The following CSMD1 variants were observed in gnomAD, a reference collection of about 807,000 sequenced individuals.
The protein encoded by CSMD1 is CUB and sushi domain-containing protein 1.
Under a neutral mutation model 417.5 loss-of-function variants are expected in CSMD1, and 213 were observed. The ratio of observed to expected loss-of-function variants is 0.51; its 90% confidence interval spans 0.46 to 0.57. The LOEUF (loss-of-function observed/expected upper bound fraction) is 0.57. Among genes scored for constraint, CSMD1 ranks in the 20% least tolerant of loss-of-function variants. The pLI is 0.00. For synonymous variants in CSMD1, 2,862 were observed against 1,736.8 expected (o/e 1.65, Z -16.11); for missense variants, 6,923 against 4,529.7 (o/e 1.53, Z -15.17).
At chr8:4,971,111 T>G (rs928350014) in intron 1 of CSMD1, among the ~76,000 whole-genome samples, 10 of 152,036 alleles carry the variant, frequency 6.6e-5, no homozygotes, top group Non-Finnish European at 4.4e-5. Context: ...ATATACCAAA[T>G]TCAGACTTCA....
chr8:3,902,388 T>C (rs766323592), intron 5 of CSMD1, among the ~76,000 whole-genome samples: 29 of 152,306 alleles, frequency 1.9e-4, no homozygotes, highest in Non-Finnish European at 3.4e-4. Flanking sequence ...AGGCAAATTG[T>C]TGGATCTTCC....
chr8:4,327,867 C>T (rs188510759), intron 3 of CSMD1, among the ~76,000 whole-genome samples: 4 of 152,172 alleles, frequency 2.6e-5, no homozygotes, highest in Admixed American at 1.3e-4. Flanking sequence ...TTTTGTAAAA[C>T]AAAAAACTTT....
chr8:3,351,349 G>A (rs1808407560), intron 21 of CSMD1, among the ~76,000 whole-genome samples: 1 of 151,986 alleles, frequency 6.6e-6, no homozygotes, highest in South Asian at 2.1e-4. Flanking sequence ...GGTGACCCAT[G>A]CCTGTAATCC....
chr8:4,339,709 A>G (rs145538851), intron 3 of CSMD1, among the ~76,000 whole-genome samples: 1 of 152,202 alleles, frequency 6.6e-6, no homozygotes, highest in East Asian at 1.9e-4. Context: ...GAGTGAGAAG[A>G]AAATGAAAGA....
intron 3 of CSMD1, among the ~76,000 whole-genome samples, chr8:4,414,130 T>G (rs1200162192): frequency 6.6e-6 from 1 of 152,184 alleles, no homozygotes; most frequent in African/African-American, 2.4e-5. Context: ...GAGAAATAAA[T>G]CAGTGCTGAC....
intron 10 of CSMD1, among the ~76,000 whole-genome samples, chr8:3,507,240 T>C (rs1344052000): frequency 2.0e-5 from 3 of 152,214 alleles, no homozygotes; most frequent in Non-Finnish European, 4.4e-5. Context: ...CAATATTTTT[T>C]TTGTAGAAGT....
At chr8:3,275,992 G>A (rs1465616127) in intron 26 of CSMD1, among the ~76,000 whole-genome samples, 2 of 152,296 alleles carry the variant, frequency 1.3e-5, no homozygotes, top group African/African-American at 2.4e-5. Flanking sequence ...TCCTTTGGAG[G>A]AGGAGAGGCA....
chr8:3,338,920 G>A (rs982420587), intron 23 of CSMD1, among the ~76,000 whole-genome samples: 4 of 150,716 alleles, frequency 2.7e-5, no homozygotes, highest in Non-Finnish European at 5.9e-5. Flanking sequence ...GTGCCATGCT[G>A]GTGCGCTGCA....
At chr8:4,035,970 T>G (rs111230926) in intron 3 of CSMD1, among the ~76,000 whole-genome samples, 1 of 151,998 alleles carries the variant, frequency 6.6e-6, no homozygotes, top group Non-Finnish European at 1.5e-5. Context: ...CCTATGAGAG[T>G]GTAACACTTT....
chr8:3,970,467 T>C (rs1287346030), intron 5 of CSMD1, among the ~76,000 whole-genome samples: 2 of 152,130 alleles, frequency 1.3e-5, no homozygotes, highest in Non-Finnish European at 2.9e-5. Context: ...GTCTCTTCTG[T>C]AAACCAGAAG....
At chr8:4,566,173 G>A (rs923326154) in intron 2 of CSMD1, among the ~76,000 whole-genome samples, 1 of 152,104 alleles carries the variant, frequency 6.6e-6, no homozygotes, top group African/African-American at 2.4e-5. Flanking sequence ...ACTGAATGAT[G>A]AGATTGATCC....
chr8:4,275,668 T>C (rs1796444439), intron 3 of CSMD1, among the ~76,000 whole-genome samples: 1 of 152,186 alleles, frequency 6.6e-6, no homozygotes, highest in African/African-American at 2.4e-5. Flanking sequence ...GCAAAAATTG[T>C]ATACGTTTTG....
chr8:3,343,420 G>A lies in CSMD1; in HGVS notation c.3505C>T (p.Pro1169Ser), dbSNP rs1465520966. ...VYDGKDSSSR[P>S]LGTFTKNELL... The stretch of plus-strand genomic sequence containing the variant: ...TCATTTTTAGTGAACGTGCCCAGTG[G>A]ACGTGAGGAACTGTCTTTTCCATCA... Residue 1169 changes from proline to serine, a missense_variant, in exon 23 of 70, where the codon CCA (proline) becomes TCA (serine). By Grantham distance (74) the Pro-to-Ser change is moderately conservative. Transcript: ENST00000635120. 6.2e-7 allele frequency: 1 copy of A among 1,613,750 alleles called. No individual in the cohort carries two copies.
intron 5 of CSMD1, among the ~76,000 whole-genome samples, chr8:3,974,642 T>C (rs1329169194): frequency 6.6e-6 from 1 of 151,478 alleles, no homozygotes. Flanking sequence ...ATGAAAGAAC[T>C]GTTTAAACTG....
chr8:3,707,178 T>C (rs1801218888), intron 7 of CSMD1, among the ~76,000 whole-genome samples: 2 of 152,316 alleles, frequency 1.3e-5, no homozygotes, highest in South Asian at 2.1e-4. Context: ...CCTAAAGTGA[T>C]AAAGATGTAG....
chr8:4,916,612 T>A (rs1315011084), intron 1 of CSMD1, among the ~76,000 whole-genome samples: 1 of 152,212 alleles, frequency 6.6e-6, no homozygotes, highest in South Asian at 2.1e-4. Context: ...TCATCCTACT[T>A]GGGGAAACTC....
intron 12 of CSMD1, among the ~76,000 whole-genome samples, chr8:3,433,486 G>C (rs12679420): frequency 6.6e-6 from 1 of 152,044 alleles, no homozygotes; most frequent in South Asian, 2.1e-4. Flanking sequence ...GGTGTGGGCG[G>C]ATTGCTTCTT....
At position 4,288,171 on chromosome 8, in the gene CSMD1, G is replaced by C. The variant is rs1172437371; in HGVS notation, c.415+131782C>G. On this transcript the variant is annotated intron_variant, in intron 3 of 69. Transcript: ENST00000635120. ...TGAGAAAAGAAAACACTAGAGAGTA[G>C]AACACTTTTCTTTTTTACTGGTACT... is the stretch of plus-strand genomic sequence containing the variant. Among the ~76,000 whole-genome samples, 5 of 152,210 alleles carry C rather than the reference G, an allele frequency of 3.3e-5. No individual in the cohort carries two copies. The East Asian group carries it at 7.7e-4, about 24-fold the overall frequency.
chr8:4,279,987 A>G (rs926398320), intron 3 of CSMD1, among the ~76,000 whole-genome samples: 27 of 152,248 alleles, frequency 1.8e-4, no homozygotes, highest in African/African-American at 6.3e-4. Flanking sequence ...GGTGTTTCAA[A>G]CAGAAACACA....
Sources: gnomAD v4.1 joint callset for allele counts (sites outside exome capture counted in the v4.1 genomes callset) on GRCh38, gnomAD v4.1.1 for gene constraint, MANE v1.5 for transcripts, NCBI Gene and HGNC (gene_info 2026-07-23, HGNC 2026-07-21) for gene names.